Variants in ELFN2 observed in about 807,000 individuals in gnomAD.
The protein encoded by ELFN2 is protein phosphatase 1 regulatory subunit 29.
ELFN2 carries 17 observed loss-of-function variants against 45.5 expected under a neutral mutation model. The observed-to-expected ratio is 0.37, with a 90% confidence interval of 0.26 to 0.56. The LOEUF (loss-of-function observed/expected upper bound fraction) is 0.56, where lower values mean the gene tolerates loss of function less well. ELFN2 is among the 20% of genes least tolerant of loss of function. The pLI is 0.77. For synonymous variants in ELFN2, 550 were observed against 551.5 expected, an observed-to-expected ratio of 1.00 and a Z score of 0.04; for missense variants, 922 against 1,183.2, an observed-to-expected ratio of 0.78 and a Z score of 3.24.
intron 2 of ELFN2, among the ~76,000 whole-genome samples, chr22:37,389,564 C>T (rs544595984): frequency 6.6e-6 from 1 of 152,132 alleles, no homozygotes; most frequent in African/African-American, 2.4e-5. Flanking sequence ...GAGGTATAGC[C>T]CTTGGAATCC....
At chr22:37,348,080 C>T (rs570820554) in intron 1 of ELFN2, among the ~76,000 whole-genome samples, 13 of 152,368 alleles carry the variant, frequency 8.5e-5, no homozygotes, top group Non-Finnish European at 1.6e-4. Context: ...TTCTCCTCTT[C>T]TGGCTGTCCT....
chr22:37,379,606 G>A (rs755951497), intron 2 of ELFN2, among the ~76,000 whole-genome samples: 15 of 152,298 alleles, frequency 9.8e-5, no homozygotes, highest in South Asian at 2.1e-4. Context: ...TGCTGTTATC[G>A]GGGGCTCCCG....
chr22:37,359,294 A>AC (rs2145620563), intron 1 of ELFN2, among the ~76,000 whole-genome samples: 1 of 152,138 alleles, frequency 6.6e-6, no homozygotes, highest in African/African-American at 2.4e-5. Context: ...GCTGTCACTG[A>AC]CCCTCAGCAC....
intron 2 of ELFN2, among the ~76,000 whole-genome samples, chr22:37,341,808 T>C (rs960392640): frequency 2.6e-5 from 4 of 152,190 alleles, no homozygotes; most frequent in Admixed American, 2.0e-4. Flanking sequence ...GGTTTCCTCA[T>C]CTGCAAAATG....
intron 1 of ELFN2, among the ~76,000 whole-genome samples, chr22:37,422,380 G>A (rs548130457): frequency 7.3e-5 from 11 of 151,620 alleles, no homozygotes; most frequent in South Asian, 6.3e-4. Context: ...TTAAGAATTC[G>A]TTTTTTTTGT....
Position 37,374,546 on chromosome 22 carries a change from T to C in ELFN2, c.989A>G (p.Asn330Ser), listed in dbSNP as rs1470685743. 8 of 1,614,254 alleles carry C rather than the reference T, an allele frequency of 5.0e-6. No homozygotes were observed. The highest frequency in any genetic ancestry group is 5.9e-6 in the Non-Finnish European group (7 of 1,180,042). Residue 330 changes from asparagine to serine, a missense_variant, in exon 3 of 3, where the codon AAC (asparagine) becomes AGC (serine). Transcript: ENST00000402918. ...SKMYILVQYNNSYFSDVMTLK... is the reference protein window; with the variant it reads ...SKMYILVQYNSSYFSDVMTLK... ...GGTCATGACGTCGGAGAAGTAGCTG[T>C]TGTTGTACTGCACGAGGATGTACAT... is the stretch of plus-strand genomic sequence containing the variant.
At chr22:37,376,669 C>G (rs1931594642) in intron 2 of ELFN2, among the ~76,000 whole-genome samples, 1 of 152,220 alleles carries the variant, frequency 6.6e-6, no homozygotes, top group Non-Finnish European at 1.5e-5. Context: ...CAGAGGGACA[C>G]AGAAGCCGGG....
chr22:37,426,046 C>A (rs1407935355), intron 1 of ELFN2, among the ~76,000 whole-genome samples: 3 of 152,070 alleles, frequency 2.0e-5, no homozygotes, highest in Non-Finnish European at 4.4e-5. Flanking sequence ...GACAGCCTGG[C>A]CTGCTGATAG....
Position 37,369,341 on chromosome 22 carries a change from AG to A in ELFN2, c.*3730del, listed in dbSNP as rs1931296245. Reference sequence around the variant, plus strand: ...CGATCCAGGCCTGGCCTTCCCAAGCAGGTCTCTTTACTCCCACCCTCCTCGC... The same window carrying A: ...CGATCCAGGCCTGGCCTTCCCAAGCAGTCTCTTTACTCCCACCCTCCTCGC... On this transcript the variant is annotated 3_prime_UTR_variant, in exon 3 of 3. Transcript: ENST00000402918. 6.6e-6 allele frequency: 1 copy of A among 152,158 alleles called. No homozygotes were observed. The allele number at this position is 152,158 out of a possible 1,614,324, so 9.4% of individuals were successfully genotyped here.
chr22:37,387,349 A>G (rs2145653797), intron 2 of ELFN2, among the ~76,000 whole-genome samples: 1 of 152,272 alleles, frequency 6.6e-6, no homozygotes. Context: ...AGCTTGAATA[A>G]CAAGATCCTG....
intron 2 of ELFN2, chr22:37,385,287 C>G (rs1403460210): frequency 1.3e-5 from 2 of 152,266 alleles, no homozygotes; most frequent in Admixed American, 1.3e-4. Context: ...TATCACTATT[C>G]CCACTTTGCA....
chr22:37,392,763 C>T (rs916764152), intron 2 of ELFN2, among the ~76,000 whole-genome samples: 2 of 152,176 alleles, frequency 1.3e-5, no homozygotes, highest in Non-Finnish European at 2.9e-5. Context: ...TCTGTATATT[C>T]CACTCTCAGT....
chr22:37,354,718 G>A (rs528872076), intron 1 of ELFN2: 1 of 150,348 alleles, frequency 6.7e-6, no homozygotes, highest in Admixed American at 6.6e-5. Flanking sequence ...TCTCACCCTT[G>A]TTACAACTGA....
At chr22:37,363,902 C>A (rs936883885), downstream of ELFN2, among the ~76,000 whole-genome samples, 2 of 152,166 alleles carry the variant, frequency 1.3e-5, no homozygotes, top group African/African-American at 4.8e-5. Flanking sequence ...AGGCCAGAAC[C>A]GTCACCTCCA....
chr22:37,354,891 TG>T (rs1930913138), intron 1 of ELFN2: 1 of 152,152 alleles, frequency 6.6e-6, no homozygotes, highest in African/African-American at 2.4e-5. Context: ...AAATGTCCCC[TG>T]GGGGTAAGGT....
At chr22:37,410,154 G>A (rs1041167163) in intron 2 of ELFN2, among the ~76,000 whole-genome samples, 1 of 152,110 alleles carries the variant, frequency 6.6e-6, no homozygotes, top group Non-Finnish European at 1.5e-5. Flanking sequence ...GAGACAGGCG[G>A]TTGCGGCAAA....
At chr22:37,413,645 C>T (rs1254005818) in intron 2 of ELFN2, among the ~76,000 whole-genome samples, 1 of 151,946 alleles carries the variant, frequency 6.6e-6, no homozygotes, top group East Asian at 1.9e-4. Context: ...GCCTGCAAAT[C>T]TAAGCTCAAA....
chr22:37,394,876 G>A (rs747920772), intron 2 of ELFN2, among the ~76,000 whole-genome samples: 178 of 152,174 alleles, frequency 1.2e-3, no homozygotes, highest in Non-Finnish European at 2.2e-3. Context: ...AGGCCGAGGC[G>A]GGCGGATCAC....
intron 1 of ELFN2, among the ~76,000 whole-genome samples, chr22:37,419,146 C>T (rs992650094): frequency 6.6e-6 from 1 of 151,930 alleles, no homozygotes; most frequent in African/African-American, 2.4e-5. Flanking sequence ...TAAACACACA[C>T]TCGGGCCTCC....
Sources: gnomAD v4.1 joint callset for allele counts (sites outside exome capture counted in the v4.1 genomes callset) on GRCh38, gnomAD v4.1.1 for gene constraint, MANE v1.5 for transcripts, NCBI Gene and HGNC (gene_info 2026-07-23, HGNC 2026-07-21) for gene names.